The following CACNA2D1 variants were observed in gnomAD, a reference collection of about 807,000 sequenced individuals.
CACNA2D1 encodes voltage-dependent calcium channel subunit alpha-2/delta-1.
A neutral mutation model predicts 171.5 loss-of-function variants in CACNA2D1; 53 were observed. The observed-to-expected ratio is 0.31, with a 90% CI of 0.25 to 0.39. The LOEUF (loss-of-function observed/expected upper bound fraction) is 0.39. Ranked by LOEUF, CACNA2D1 falls within the 10% of genes least tolerant of loss-of-function variation. The probability of loss-of-function intolerance (pLI) is 1.00; values close to 1 mark genes in which losing one functional copy is unlikely to be tolerated. For synonymous variants in CACNA2D1, 442 were observed against 443.1 expected, an observed-to-expected ratio of 1.00 and a Z score of 0.03; for missense variants, 903 against 1,299.8, an observed-to-expected ratio of 0.69 and a Z score of 4.69.
Position 82,042,928 on chromosome 7 carries a change from C to G in CACNA2D1, c.880-4693G>C, listed in dbSNP as rs191019088. On this transcript the variant is annotated intron_variant, in intron 10 of 38. Transcript: ENST00000356860. Reference sequence around the variant, plus strand: ...TCTGTATCCTAGCTTAATAAATAGACCCCTCTATTGGATTATTAGCCCACA... The same window carrying G: ...TCTGTATCCTAGCTTAATAAATAGAGCCCTCTATTGGATTATTAGCCCACA... Among the ~76,000 whole-genome samples, 53 of 152,248 alleles carry G rather than the reference C, an allele frequency of 3.5e-4. 1 individual carries two copies. Among genetic ancestry groups the G allele is most frequent in the African/African-American group, 1.3e-3 (53 of 41,548 alleles).
chr7:82,319,330 AGTT>A, intron 3 of CACNA2D1, among the ~76,000 whole-genome samples: 1 of 152,302 alleles, frequency 6.6e-6, no homozygotes, highest in South Asian at 2.1e-4. Flanking sequence ...ATCAAAATAC[AGTT>A]GTTAACAAAG....
intron 3 of CACNA2D1, among the ~76,000 whole-genome samples, chr7:82,267,974 G>C (rs911963936): frequency 6.6e-6 from 1 of 152,110 alleles, no homozygotes; most frequent in Non-Finnish European, 1.5e-5. Flanking sequence ...TCCAGCCTGA[G>C]TGACAGAGTG....
At chr7:82,099,154 C>T (rs1202048681) in intron 6 of CACNA2D1, among the ~76,000 whole-genome samples, 1 of 152,128 alleles carries the variant, frequency 6.6e-6, no homozygotes, top group East Asian at 1.9e-4. Flanking sequence ...AAGCCAAGAT[C>T]TTTCACATTA....
intron 1 of CACNA2D1, among the ~76,000 whole-genome samples, chr7:82,362,225 C>T (rs971554439): frequency 1.3e-5 from 2 of 152,080 alleles, no homozygotes; most frequent in East Asian, 3.9e-4. Context: ...TTGCAGTCTC[C>T]CAATTTTTTT....
chr7:82,341,843 C>T (rs1295784886), intron 2 of CACNA2D1, among the ~76,000 whole-genome samples: 1 of 151,610 alleles, frequency 6.6e-6, no homozygotes, highest in East Asian at 1.9e-4. Flanking sequence ...GTCAGGAGAT[C>T]CAGACCATCC....
intron 3 of CACNA2D1, among the ~76,000 whole-genome samples, chr7:82,277,266 A>C (rs754628224): frequency 4.6e-5 from 7 of 151,888 alleles, no homozygotes; most frequent in Non-Finnish European, 1.0e-4. Flanking sequence ...GCAGTGGCAC[A>C]ATCTCGGCTC....
At chr7:82,238,818 C>T (rs999058520) in intron 3 of CACNA2D1, among the ~76,000 whole-genome samples, 8 of 152,060 alleles carry the variant, frequency 5.3e-5, no homozygotes, top group African/African-American at 1.9e-4. Flanking sequence ...TAATGCCACA[C>T]CTAGAGTTGG....
At chr7:82,148,436 T>C (rs886165727) in intron 4 of CACNA2D1, among the ~76,000 whole-genome samples, 1 of 151,892 alleles carries the variant, frequency 6.6e-6, no homozygotes, top group African/African-American at 2.4e-5. Flanking sequence ...AAAAGTGACA[T>C]GTATATGGAC....
chr7:82,428,114 A>T (rs550011769), intron 1 of CACNA2D1, among the ~76,000 whole-genome samples: 2 of 152,102 alleles, frequency 1.3e-5, no homozygotes, highest in Non-Finnish European at 2.9e-5. Context: ...AAATAAAAAA[A>T]AAACAAACAA....
chr7:82,365,880 A>C (rs1407134850), intron 1 of CACNA2D1, among the ~76,000 whole-genome samples: 1 of 152,182 alleles, frequency 6.6e-6, no homozygotes, highest in African/African-American at 2.4e-5. Context: ...TCTCCTGAAC[A>C]CAGTTAGATG....
intron 1 of CACNA2D1, among the ~76,000 whole-genome samples, chr7:82,413,489 G>A (rs1457387766): frequency 6.6e-6 from 1 of 152,142 alleles, no homozygotes; most frequent in Admixed American, 6.6e-5. Flanking sequence ...ATTGGGTTTG[G>A]CTCTCAAGCC....
chr7:82,420,456 A>C (rs151058194), intron 1 of CACNA2D1, among the ~76,000 whole-genome samples: 39 of 152,316 alleles, frequency 2.6e-4, no homozygotes, highest in Non-Finnish European at 4.3e-4. Context: ...GTTTTCATGC[A>C]TTACCAACTC....
At chr7:82,037,989 T>A in intron 11 of CACNA2D1, 88 bp downstream of exon 11, 1 of 1,276,456 alleles carries the variant, frequency 7.8e-7, no homozygotes, top group Non-Finnish European at 1.1e-6. Context: ...CACTATCTAA[T>A]CCCAGAGAGT....
intron 4 of CACNA2D1, among the ~76,000 whole-genome samples, chr7:82,142,256 C>T (rs1222041914): frequency 1.3e-5 from 2 of 152,078 alleles, no homozygotes; most frequent in African/African-American, 2.4e-5. Context: ...ACAAATTTGC[C>T]CAAATGGTCC....
chr7:82,442,126 A>G (rs933387347), intron 1 of CACNA2D1, among the ~76,000 whole-genome samples: 4 of 152,206 alleles, frequency 2.6e-5, no homozygotes, highest in African/African-American at 9.6e-5. Flanking sequence ...TCCGGGATAG[A>G]ATGTGCATCC....
chr7:82,229,984 C>G (rs1246380062), intron 3 of CACNA2D1, among the ~76,000 whole-genome samples: 1 of 152,174 alleles, frequency 6.6e-6, no homozygotes, highest in African/African-American at 2.4e-5. Context: ...GCTCCAATTC[C>G]TGTTACACAT....
chr7:82,396,905 A>G (rs1198449265), intron 1 of CACNA2D1, among the ~76,000 whole-genome samples: 1 of 152,202 alleles, frequency 6.6e-6, no homozygotes, highest in East Asian at 1.9e-4. Flanking sequence ...ACTGAAAACA[A>G]AAGTCTAACA....
intron 11 of CACNA2D1, among the ~76,000 whole-genome samples, chr7:82,037,181 G>A (rs1209040883): frequency 6.6e-6 from 1 of 152,166 alleles, no homozygotes; most frequent in African/African-American, 2.4e-5. Context: ...TCCACAGTAT[G>A]AGACACACAC....
intron 3 of CACNA2D1, among the ~76,000 whole-genome samples, chr7:82,280,034 G>A (rs1427784276): frequency 6.6e-6 from 1 of 152,092 alleles, no homozygotes; most frequent in Non-Finnish European, 1.5e-5. Flanking sequence ...AAAAGGCACA[G>A]TGATTACACA....
Sources: allele counts gnomAD v4.1 joint callset (sites outside exome capture counted in the v4.1 genomes callset), GRCh38; gene constraint gnomAD v4.1.1; transcripts MANE v1.5; gene names NCBI Gene and HGNC (gene_info 2026-07-23, HGNC 2026-07-21).